EXOC6B: variants seen among roughly 807,000 people sequenced by gnomAD.
EXOC6B encodes SEC15 homolog B.
A neutral mutation model predicts 113.5 loss-of-function variants in EXOC6B; 54 were observed. The ratio of observed to expected loss-of-function variants is 0.48; its 90% CI spans 0.38 to 0.60. EXOC6B has a LOEUF of 0.60. Ranked by LOEUF, EXOC6B falls within the 20% of genes least tolerant of loss-of-function variation. EXOC6B has a pLI of 0.00. For synonymous variants in EXOC6B, 357 were observed against 339.0 expected, an observed-to-expected ratio of 1.05 and a Z score of -0.58; for missense variants, 797 against 977.5, an observed-to-expected ratio of 0.82 and a Z score of 2.46.
intron 8 of EXOC6B, among the ~76,000 whole-genome samples, chr2:72,541,012 C>T (rs1702572621): frequency 6.6e-6 from 1 of 151,794 alleles, no homozygotes; most frequent in Non-Finnish European, 1.5e-5. Context: ...TGGTTGTGTC[C>T]CCACCAAAAT....
intron 17 of EXOC6B, among the ~76,000 whole-genome samples, chr2:72,476,090 T>C (rs1698722176): frequency 6.6e-6 from 1 of 152,184 alleles, no homozygotes; most frequent in Non-Finnish European, 1.5e-5. Context: ...TGGTGTGAGC[T>C]CCTTCCCTGG....
chr2:72,808,334 A>C (rs1202706424), intron 1 of EXOC6B, among the ~76,000 whole-genome samples: 1 of 152,202 alleles, frequency 6.6e-6, no homozygotes, highest in Non-Finnish European at 1.5e-5. Context: ...GGATGATGTA[A>C]AGAGATATAA....
intron 19 of EXOC6B, among the ~76,000 whole-genome samples, chr2:72,364,177 ATTTC>A (rs1404082265): frequency 6.6e-6 from 1 of 152,000 alleles, no homozygotes. Flanking sequence ...TTTATGTATC[ATTTC>A]TTTAAGATTT....
intron 19 of EXOC6B, among the ~76,000 whole-genome samples, chr2:72,353,864 A>C (rs1689814009): frequency 6.6e-6 from 1 of 152,208 alleles, no homozygotes. Context: ...TTCTTCTTTG[A>C]AATGGCATTA....
chr2:72,342,659 T>C (rs1689098751), intron 19 of EXOC6B, among the ~76,000 whole-genome samples: 1 of 152,050 alleles, frequency 6.6e-6, no homozygotes, highest in Non-Finnish European at 1.5e-5. Flanking sequence ...ATGAGTCAGG[T>C]GTGGTTGCTT....
chr2:72,225,870 T>G (rs544955984), intron 20 of EXOC6B, among the ~76,000 whole-genome samples: 12 of 152,336 alleles, frequency 7.9e-5, no homozygotes, highest in East Asian at 5.8e-4. Flanking sequence ...GGTAAATGCA[T>G]GTAAGTATAT....
intron 20 of EXOC6B, among the ~76,000 whole-genome samples, chr2:72,330,367 G>A (rs1022796209): frequency 2.6e-5 from 4 of 151,896 alleles, no homozygotes; most frequent in Non-Finnish European, 4.4e-5. Context: ...AGGTATATGA[G>A]GAAGACAAAC....
intron 19 of EXOC6B, among the ~76,000 whole-genome samples, chr2:72,338,662 T>A (rs1688839466): frequency 6.6e-6 from 1 of 152,108 alleles, no homozygotes; most frequent in Non-Finnish European, 1.5e-5. Flanking sequence ...TATTAAAAAA[T>A]GTTAATAGCA....
At chr2:72,470,259 C>T (rs1326861362) in intron 17 of EXOC6B, among the ~76,000 whole-genome samples, 1 of 152,068 alleles carries the variant, frequency 6.6e-6, no homozygotes. Context: ...TTTCTTTCAT[C>T]AGTGTTTTGT....
rs572843207 is a variant in EXOC6B at position 72,482,788 on chromosome 2, T to C, written c.1666-2038A>G. Reference sequence around the variant, plus strand: ...TAAAGACAATGTTTTAGTACTGGTTTCAACTAAGAAAAAGTGTACCTTCTA... The same window carrying C: ...TAAAGACAATGTTTTAGTACTGGTTCCAACTAAGAAAAAGTGTACCTTCTA... On this transcript the variant is annotated intron_variant, in intron 16 of 21. Transcript: ENST00000272427. Among the ~76,000 whole-genome samples, 75 of 152,314 alleles carry C rather than the reference T, an allele frequency of 4.9e-4. 3 individuals carry two copies. In the South Asian group the frequency reaches 0.015, roughly 31 times the overall value.
At chr2:72,598,427 G>T (rs1187262213) in intron 6 of EXOC6B, among the ~76,000 whole-genome samples, 1 of 151,890 alleles carries the variant, frequency 6.6e-6, no homozygotes, top group African/African-American at 2.4e-5. Flanking sequence ...GCTTACAGGG[G>T]AATTTATAGC....
chr2:72,729,104 G>A (rs1364766429), intron 5 of EXOC6B, among the ~76,000 whole-genome samples: 1 of 152,002 alleles, frequency 6.6e-6, no homozygotes, highest in East Asian at 1.9e-4. Flanking sequence ...TGAGGACTGA[G>A]AATCATCTAC....
At chr2:72,538,178 G>A (rs905346154) in intron 8 of EXOC6B, among the ~76,000 whole-genome samples, 1 of 151,838 alleles carries the variant, frequency 6.6e-6, no homozygotes. Context: ...GCCCAGGCTG[G>A]TCTCAAACTC....
intron 6 of EXOC6B, among the ~76,000 whole-genome samples, chr2:72,638,329 C>A (rs1457783837): frequency 6.6e-6 from 1 of 152,004 alleles, no homozygotes; most frequent in Non-Finnish European, 1.5e-5. Context: ...CCTGAACAGA[C>A]CAGTAACAAG....
At chr2:72,230,734 C>T (rs1460153100) in intron 20 of EXOC6B, among the ~76,000 whole-genome samples, 1 of 152,172 alleles carries the variant, frequency 6.6e-6, no homozygotes, top group East Asian at 1.9e-4. Context: ...TAGATATAGA[C>T]TCTCAGTGCT....
chr2:72,484,732 A>G (rs1018399934), intron 16 of EXOC6B, among the ~76,000 whole-genome samples: 1 of 152,170 alleles, frequency 6.6e-6, no homozygotes, highest in Non-Finnish European at 1.5e-5. Context: ...TAGTTTGCTG[A>G]GGATGATGGC....
At chr2:72,764,001 C>A (rs1006428652) in intron 1 of EXOC6B, among the ~76,000 whole-genome samples, 6 of 151,958 alleles carry the variant, frequency 3.9e-5, no homozygotes, top group African/African-American at 1.5e-4. Flanking sequence ...ATCACTTGAG[C>A]CCAGGAGGTC....
At chr2:72,180,886 C>G (rs763358156) in intron 21 of EXOC6B, among the ~76,000 whole-genome samples, 8 of 152,196 alleles carry the variant, frequency 5.3e-5, no homozygotes, top group Non-Finnish European at 7.3e-5. Flanking sequence ...CTGTATGGCT[C>G]TGGCTAACAG....
intron 18 of EXOC6B, among the ~76,000 whole-genome samples, chr2:72,390,301 T>A (rs1165990469): frequency 6.6e-6 from 1 of 152,224 alleles, no homozygotes; most frequent in Non-Finnish European, 1.5e-5. Flanking sequence ...TCTCATTTTA[T>A]TACCTTTAAA....
Sources: allele counts gnomAD v4.1 joint callset (sites outside exome capture counted in the v4.1 genomes callset), GRCh38; gene constraint gnomAD v4.1.1; transcripts MANE v1.5; gene names NCBI Gene and HGNC (gene_info 2026-07-23, HGNC 2026-07-21).